LRP1B: variants seen among roughly 807,000 people sequenced by gnomAD.
LRP1B encodes low-density lipoprotein receptor-related protein 1B.
LRP1B carries 217 observed loss-of-function variants against 556.6 expected under a neutral mutation model. The ratio of observed to expected loss-of-function variants is 0.39; its 90% CI spans 0.35 to 0.44. LRP1B has a LOEUF of 0.44. LRP1B is among the 20% of genes least tolerant of loss of function. The probability of loss-of-function intolerance (pLI) is 1.00; values close to 1 mark genes in which losing one functional copy is unlikely to be tolerated. For synonymous variants in LRP1B, 2,047 were observed against 1,865.8 expected, an observed-to-expected ratio of 1.10 and a Z score of -2.50; for missense variants, 5,053 against 5,620.8, an observed-to-expected ratio of 0.90 and a Z score of 3.23.
At chr2:140,972,617 A>G (rs921106689) in intron 18 of LRP1B, among the ~76,000 whole-genome samples, 44 of 152,116 alleles carry the variant, frequency 2.9e-4, no homozygotes, top group African/African-American at 9.2e-4. Context: ...GAAAAAATGC[A>G]AATAATATTG....
At chr2:141,320,634 C>T (rs75183991) in intron 3 of LRP1B, among the ~76,000 whole-genome samples, 16,007 of 152,018 alleles carry the variant, frequency 0.11, 978 homozygotes, top group South Asian at 0.22. Context: ...AATTGTATGT[C>T]GGCAGTTTGT....
chr2:141,392,687 A>G (rs1291551964), intron 3 of LRP1B, among the ~76,000 whole-genome samples: 1 of 152,142 alleles, frequency 6.6e-6, no homozygotes, highest in Non-Finnish European at 1.5e-5. Context: ...CTTTAATCTC[A>G]CTGGTATTTT....
chr2:141,004,056 GAGATA>G (rs1697500903), intron 15 of LRP1B, among the ~76,000 whole-genome samples: 1 of 152,062 alleles, frequency 6.6e-6, no homozygotes, highest in Non-Finnish European at 1.5e-5. Context: ...TTCATCAGAA[GAGATA>G]AGATGTTATT....
intron 2 of LRP1B, among the ~76,000 whole-genome samples, chr2:141,573,908 T>A (rs575473643): frequency 6.6e-6 from 1 of 152,036 alleles, no homozygotes; most frequent in Non-Finnish European, 1.5e-5. Context: ...AGAAATTGAA[T>A]CCCTGAATAG....
chr2:141,639,339 T>C (rs761766484), intron 2 of LRP1B, among the ~76,000 whole-genome samples: 11,139 of 38,056 alleles, frequency 0.29, 1,600 homozygotes, highest in Non-Finnish European at 0.4. Flanking sequence ...TATATATATA[T>C]ATATATATAT....
intron 3 of LRP1B, among the ~76,000 whole-genome samples, chr2:141,466,903 C>T (rs1468901064): frequency 3.3e-5 from 5 of 149,870 alleles, no homozygotes; most frequent in Non-Finnish European, 5.9e-5. Context: ...CCCAGCCAAA[C>T]ACAATTCCTG....
At chr2:141,480,637 A>G (rs1413612351) in intron 2 of LRP1B, 104 bp from the exon 3 acceptor site, 2 of 1,120,142 alleles carry the variant, frequency 1.8e-6, no homozygotes, top group Non-Finnish European at 2.7e-6. Context: ...ACAAAACTAT[A>G]GAAAATACTG....
In LRP1B at chr2:141,872,208, T is replaced by A. The variant is rs573573654; in HGVS notation, c.83-61807A>T. 5.3e-5 allele frequency among the ~76,000 whole-genome samples: 8 copies of A among 152,082 alleles called. No homozygotes were observed. In the South Asian group the frequency reaches 1.7e-3, roughly 31 times the overall value. ...CCCTGACAGTCACGAAGGTAAAGAA[T>A]AAATATTCATGTATGTGTGTATGTG... On this transcript the variant is annotated intron_variant, in intron 1 of 90. Transcript: ENST00000389484.
rs983142237 is a variant in LRP1B, at chr2:141,083,689, T to G, written c.1014-21416A>C. ...ATTAATAGGTTAATGGATTAATGGG[T>G]TATCACAGGAGTGGGACTGGTGACT... On this transcript the variant is annotated intron_variant, in intron 7 of 90. Transcript: ENST00000389484. Among the ~76,000 whole-genome samples the G allele has an allele frequency of 3.3e-5, 5 of 152,140 alleles. No individual in the cohort carries two copies. The East Asian group carries it at 9.6e-4, about 29-fold the overall frequency.
At chr2:140,736,860 G>T (rs1687963123) in intron 35 of LRP1B, among the ~76,000 whole-genome samples, 1 of 152,100 alleles carries the variant, frequency 6.6e-6, no homozygotes, top group Non-Finnish European at 1.5e-5. Context: ...CCTGAAATAA[G>T]AGAGGTCAGA....
chr2:141,608,919 A>G (rs1233514324), intron 2 of LRP1B, among the ~76,000 whole-genome samples: 2 of 152,180 alleles, frequency 1.3e-5, no homozygotes, highest in African/African-American at 2.4e-5. Flanking sequence ...AAAATGTAAT[A>G]ATGAATCTAT....
At chr2:140,509,400 C>T (rs1029961587) in intron 52 of LRP1B, among the ~76,000 whole-genome samples, 7 of 152,108 alleles carry the variant, frequency 4.6e-5, no homozygotes, top group African/African-American at 9.7e-5. Flanking sequence ...GTCTGACCTC[C>T]GAAGGTGCTC....
At chr2:140,944,096 T>C (rs1695476087) in intron 20 of LRP1B, among the ~76,000 whole-genome samples, 1 of 151,968 alleles carries the variant, frequency 6.6e-6, no homozygotes, top group Admixed American at 6.6e-5. Context: ...ACATTACAAC[T>C]GATCCCATAG....
chr2:140,396,100 G>T (rs1315218175), intron 66 of LRP1B, among the ~76,000 whole-genome samples: 1 of 152,136 alleles, frequency 6.6e-6, no homozygotes, highest in East Asian at 1.9e-4. Flanking sequence ...TGAACCACAA[G>T]TACAGAGGCA....
intron 87 of LRP1B, among the ~76,000 whole-genome samples, chr2:140,240,460 G>C (rs567669301): frequency 1.3e-5 from 2 of 150,760 alleles, no homozygotes; most frequent in East Asian, 3.9e-4. Context: ...GATATTTTTA[G>C]TCAGTGAGTA....
intron 1 of LRP1B, among the ~76,000 whole-genome samples, chr2:141,905,991 GATGTGTGTGTGT>G (rs1339747799): frequency 3.1e-5 from 2 of 64,816 alleles, no homozygotes; most frequent in Admixed American, 3.6e-4. Flanking sequence ...CTAGACAAGA[GATGTGTGTGTGT>G]GTGTGTGTGT....
intron 1 of LRP1B, among the ~76,000 whole-genome samples, chr2:141,868,223 G>A (rs1034824235): frequency 1.1e-4 from 17 of 152,006 alleles, no homozygotes; most frequent in African/African-American, 4.1e-4. Context: ...TTATTAAATA[G>A]CCAAACCTCT....
At chr2:141,678,577 AG>A (rs1242270911) in intron 2 of LRP1B, among the ~76,000 whole-genome samples, 2 of 151,670 alleles carry the variant, frequency 1.3e-5, no homozygotes, top group African/African-American at 4.9e-5. Flanking sequence ...TGGGAGAGAA[AG>A]TATATCAAAT....
intron 66 of LRP1B, among the ~76,000 whole-genome samples, chr2:140,438,396 G>A (rs72897830): frequency 1.3e-5 from 2 of 151,886 alleles, no homozygotes; most frequent in African/African-American, 4.8e-5. Context: ...TAGCTATAAC[G>A]GTATAGCTTA....
Sources: gnomAD v4.1 joint callset for allele counts (sites outside exome capture counted in the v4.1 genomes callset) on GRCh38, gnomAD v4.1.1 for gene constraint, MANE v1.5 for transcripts, NCBI Gene and HGNC (gene_info 2026-07-23, HGNC 2026-07-21) for gene names.